Variants in NRXN3 observed in about 807,000 individuals in gnomAD.
NRXN3 encodes neurexin III.
NRXN3 carries 32 observed loss-of-function variants against 137.6 expected under a neutral mutation model. That is an observed-to-expected ratio of 0.23 (90% confidence interval 0.18 to 0.31). The LOEUF is 0.31. Ranked by LOEUF, NRXN3 falls within the 10% of genes least tolerant of loss-of-function variation. NRXN3 has a pLI of 1.00. For synonymous variants in NRXN3, 798 were observed against 784.5 expected, an observed-to-expected ratio of 1.02 and a Z score of -0.29; for missense variants, 1,574 against 2,062.5, an observed-to-expected ratio of 0.76 and a Z score of 4.59.
chr14:79,125,206 C>T (rs903370715), intron 15 of NRXN3, among the ~76,000 whole-genome samples: 5 of 152,298 alleles, frequency 3.3e-5, no homozygotes, highest in South Asian at 4.2e-4. Context: ...CCTTCTTAGG[C>T]CATTTCTGAC....
At chr14:79,518,829 G>T in intron 16 of NRXN3, among the ~76,000 whole-genome samples, 1 of 152,182 alleles carries the variant, frequency 6.6e-6, no homozygotes, top group East Asian at 1.9e-4. Flanking sequence ...CCTGGCTTTT[G>T]CAAACATATA....
chr14:78,247,135 C>G (rs76539791), intron 2 of NRXN3, among the ~76,000 whole-genome samples: 4 of 152,176 alleles, frequency 2.6e-5, no homozygotes, highest in Admixed American at 2.6e-4. Flanking sequence ...ATCTCCAGCC[C>G]CCCTGCGGTG....
At chr14:79,392,861 T>C (rs2094895826) in intron 15 of NRXN3, among the ~76,000 whole-genome samples, 1 of 148,542 alleles carries the variant, frequency 6.7e-6, no homozygotes, top group South Asian at 2.1e-4. Flanking sequence ...TCCCAGCTAC[T>C]TGGGAGTCTG....
intron 19 of NRXN3, among the ~76,000 whole-genome samples, chr14:79,704,086 C>A (rs547380514): frequency 6.6e-6 from 1 of 152,126 alleles, no homozygotes; most frequent in Non-Finnish European, 1.5e-5. Flanking sequence ...GAGATTGCTA[C>A]GGCAGGCTCT....
intron 16 of NRXN3, among the ~76,000 whole-genome samples, chr14:79,519,214 A>G (rs973150672): frequency 1.3e-5 from 2 of 152,100 alleles, no homozygotes; most frequent in African/African-American, 4.8e-5. Context: ...ATATATTTGC[A>G]CAGAGTTAGC....
chr14:79,279,903 T>C, intron 15 of NRXN3: 4 of 1,026,960 alleles, frequency 3.9e-6, no homozygotes, highest in Non-Finnish European at 4.7e-6. Flanking sequence ...ATTGCCACCT[T>C]TCCTCTGTGT....
intron 15 of NRXN3, among the ~76,000 whole-genome samples, chr14:79,099,514 A>AAT (rs1358383972): frequency 6.6e-6 from 1 of 152,170 alleles, no homozygotes; most frequent in Non-Finnish European, 1.5e-5. Flanking sequence ...TATATAAGGG[A>AAT]GTATATTTTT....
intron 19 of NRXN3, among the ~76,000 whole-genome samples, chr14:79,727,855 G>A (rs184587666): frequency 1.3e-5 from 2 of 152,236 alleles, no homozygotes; most frequent in East Asian, 1.9e-4. Flanking sequence ...ACCAGGTTAC[G>A]AATGGCCCTT....
intron 19 of NRXN3, among the ~76,000 whole-genome samples, chr14:79,728,346 G>C (rs997906506): frequency 1.2e-4 from 19 of 152,160 alleles, no homozygotes; most frequent in African/African-American, 4.6e-4. Flanking sequence ...TCAGCATGGG[G>C]TTAGGTTGGA....
At chr14:78,385,451 GT>G (rs897918365) in intron 4 of NRXN3, among the ~76,000 whole-genome samples, 2 of 152,114 alleles carry the variant, frequency 1.3e-5, no homozygotes, top group Non-Finnish European at 2.9e-5. Context: ...AATTAATTGT[GT>G]TAAAAATAGT....
intron 4 of NRXN3, among the ~76,000 whole-genome samples, chr14:78,412,507 G>C (rs1437006231): frequency 6.6e-6 from 1 of 152,158 alleles, no homozygotes; most frequent in East Asian, 1.9e-4. Flanking sequence ...TTGGGCATTT[G>C]CTATGTGCCA....
At chr14:79,508,464 A>G (rs560030782) in intron 16 of NRXN3, among the ~76,000 whole-genome samples, 2 of 131,582 alleles carry the variant, frequency 1.5e-5, no homozygotes, top group East Asian at 2.6e-4. Context: ...ATCTTGGCTC[A>G]CTGCAACCTT....
chr14:78,997,803 A>G lies in NRXN3; in HGVS notation c.3262+9662A>G, dbSNP rs898632144. Among the ~76,000 whole-genome samples, 12 of 152,296 alleles carry G rather than the reference A, an allele frequency of 7.9e-5. No homozygotes were observed. The South Asian group carries it at 2.3e-3, about 29-fold the overall frequency. The stretch of plus-strand genomic sequence containing the variant: ...AACTTTTCTTGTTCCCTTTCCGGTT[A>G]GTTCTTCTCTTTAAGGTCATTGCTG... On this transcript the variant is annotated intron_variant, in intron 15 of 20. Coordinates refer to ENST00000335750, the MANE Select transcript of NRXN3 (RefSeq NM_001330195.2).
chr14:78,867,275 AG>A (rs1334265238), intron 10 of NRXN3, among the ~76,000 whole-genome samples: 2 of 152,168 alleles, frequency 1.3e-5, no homozygotes, highest in African/African-American at 4.8e-5. Context: ...TTGGAACCCC[AG>A]GGTCTTGGTT....
intron 4 of NRXN3, among the ~76,000 whole-genome samples, chr14:78,472,791 T>G (rs1040749812): frequency 4.6e-5 from 7 of 152,182 alleles, no homozygotes; most frequent in African/African-American, 1.7e-4. Context: ...CTCCCTATTC[T>G]GCCACTGTGC....
intron 15 of NRXN3, among the ~76,000 whole-genome samples, chr14:79,450,102 C>T: frequency 6.7e-6 from 1 of 150,330 alleles, no homozygotes. Context: ...TCTCTCCACA[C>T]ATACTCACTC....
chr14:78,392,682 A>G (rs1033675053), intron 4 of NRXN3, among the ~76,000 whole-genome samples: 13 of 152,168 alleles, frequency 8.5e-5, no homozygotes, highest in Admixed American at 8.5e-4. Flanking sequence ...TATACATGTA[A>G]AATGGTCAAT....
intron 6 of NRXN3, among the ~76,000 whole-genome samples, chr14:78,665,834 G>T (rs2097881029): frequency 6.6e-6 from 1 of 152,154 alleles, no homozygotes. Context: ...TCTAGGGCTG[G>T]ATATGTTGCT....
chr14:78,854,840 G>A (rs1049740382), intron 10 of NRXN3, among the ~76,000 whole-genome samples: 2 of 152,150 alleles, frequency 1.3e-5, no homozygotes, highest in Non-Finnish European at 2.9e-5. Context: ...GGGAGGCCAA[G>A]GTGGGTGGAT....
Sources: allele counts gnomAD v4.1 joint callset (sites outside exome capture counted in the v4.1 genomes callset), GRCh38; gene constraint gnomAD v4.1.1; transcripts MANE v1.5; gene names NCBI Gene and HGNC (gene_info 2026-07-23, HGNC 2026-07-21).